SIRT3: variants seen among roughly 807,000 people sequenced by gnomAD.
SIRT3 encodes NAD-dependent protein deacetylase sirtuin-3, mitochondrial.
Under a neutral mutation model 33.5 loss-of-function variants are expected in SIRT3, and 26 were observed. The observed-to-expected ratio is 0.78, with a 90% confidence interval of 0.57 to 1.08. The LOEUF (loss-of-function observed/expected upper bound fraction) is 1.08, where lower values mean the gene tolerates loss of function less well. Among genes scored for constraint, SIRT3 ranks in the 50% least tolerant of loss-of-function variants. The probability of loss-of-function intolerance (pLI) is 0.00; values close to 1 mark genes in which losing one functional copy is unlikely to be tolerated. For missense variants in SIRT3, 585 were observed against 530.1 expected, an observed-to-expected ratio of 1.10 and a Z score of -1.02; for synonymous variants, 237 against 222.1, an observed-to-expected ratio of 1.07 and a Z score of -0.60.
intron 1 of SIRT3, among the ~76,000 whole-genome samples, chr11:235,028 C>T (rs192530700): frequency 1.3e-5 from 2 of 152,172 alleles, no homozygotes; most frequent in East Asian, 3.9e-4. Flanking sequence ...CAGGCGCCCG[C>T]CACCACGCCC....
At position 236,316 on chromosome 11, in the gene SIRT3, C is replaced by A. The variant is rs1413765501; in HGVS notation, c.13G>T (p.Gly5Cys). The part of the protein sequence containing the change: MAFW[G>C]WRAAAALRLW... The stretch of plus-strand genomic sequence containing the variant: ...CGGAGGGCTGCCGCGGCGCGCCAAC[C>A]CCAGAACGCCATGTTCCGCGCAGTC... The change falls in exon 1 of 7, where the codon GGT (glycine) becomes TGT (cysteine). Residue 5 changes from glycine to cysteine, a missense_variant. Coordinates refer to ENST00000382743, the MANE Select transcript of SIRT3 (RefSeq NM_012239.6). 1.3e-6 allele frequency: 2 copies of A among 1,511,516 alleles called. No homozygotes were observed. The highest frequency in any genetic ancestry group is 2.6e-5 in the East Asian group (1 of 39,198). 93.6% of individuals were successfully genotyped at this position (1,511,516 alleles called of 1,614,324 possible).
intron 4 of SIRT3, among the ~76,000 whole-genome samples, chr11:230,069 C>T (rs952985216): frequency 6.6e-6 from 1 of 151,484 alleles, no homozygotes; most frequent in Non-Finnish European, 1.5e-5. Flanking sequence ...ATCTGATTGC[C>T]GGGCGTGGTG....
chr11:227,996 T>C (rs1857404312), intron 4 of SIRT3, among the ~76,000 whole-genome samples: 1 of 152,178 alleles, frequency 6.6e-6, no homozygotes, highest in African/African-American at 2.4e-5. Context: ...CCTCCCATGA[T>C]CGTCAGGATA....
chr11:232,667 GA>G (rs1858232726), intron 3 of SIRT3, among the ~76,000 whole-genome samples: 1 of 151,994 alleles, frequency 6.6e-6, no homozygotes, highest in African/African-American at 2.4e-5. Flanking sequence ...AAAGAGAGAA[GA>G]AAAAAAGAGA....
At chr11:217,483 A>C (rs1855816859) in intron 6 of SIRT3, among the ~76,000 whole-genome samples, 1 of 152,246 alleles carries the variant, frequency 6.6e-6, no homozygotes, top group Non-Finnish European at 1.5e-5. Context: ...GAGCAGGAAA[A>C]GGATCCCTCA....
chr11:219,073 T>C (rs1590103367), intron 5 of SIRT3, 32 bp from the exon 6 acceptor site: 1 of 1,581,548 alleles, frequency 6.3e-7, no homozygotes, highest in Non-Finnish European at 8.6e-7. Flanking sequence ...AGGGGCACAG[T>C]GTCCACTTTA....
chr11:231,209 C>T (rs1857946573), intron 3 of SIRT3, among the ~76,000 whole-genome samples: 2 of 152,028 alleles, frequency 1.3e-5, no homozygotes, highest in South Asian at 4.2e-4. Flanking sequence ...AAGGCCAAGG[C>T]AGGAGGATCA....
Position 233,077 on chromosome 11 carries a change from G to C in SIRT3, c.612C>G (p.Tyr204Ter). The part of the protein sequence containing the change: ...TLAKELYPGN[Y>*]KPNVTHYFLR... ...GAAAGTAGTGAGTGACGTTGGGCTTGTAGTTTCCAGGGTACAGCTCCTTGG... is the reference window on the plus strand; with the variant it reads ...GAAAGTAGTGAGTGACGTTGGGCTTCTAGTTTCCAGGGTACAGCTCCTTGG... Residue 204 changes from tyrosine (Y) to a stop codon, truncating the protein, a stop_gained, in exon 3 of 7, where the codon TAC (tyrosine) becomes TAG (stop). Transcript: ENST00000382743. LOFTEE classifies it high-confidence loss of function. 2 of 1,614,206 alleles carry C rather than the reference G, an allele frequency of 1.2e-6. No homozygotes were observed. Among genetic ancestry groups the C allele is most frequent in the South Asian group, 1.1e-5 (1 of 91,088 alleles).
In SIRT3 at chr11:231,903, C is replaced by T. The variant is rs1044980429; in HGVS notation, c.706+1080G>A. 2.0e-5 allele frequency among the ~76,000 whole-genome samples: 3 copies of T among 151,106 alleles called. No individual in the cohort carries two copies. The East Asian group carries it at 5.9e-4, about 30-fold the overall frequency. ...CCCGGAGAGCTGACTGTCCCAGCAC[C>T]TGTCTGCATCACTGCACGTAAGGAA... On this transcript the variant is annotated intron_variant, in intron 3 of 6. Transcript: ENST00000382743.
chr11:220,346 AAAAAG>A (rs1171777059), intron 5 of SIRT3, among the ~76,000 whole-genome samples: 5 of 150,146 alleles, frequency 3.3e-5, no homozygotes, highest in East Asian at 1.9e-4. Flanking sequence ...AAAAAAAAAA[AAAAAG>A]AAAGAAGTTT....
intron 4 of SIRT3, among the ~76,000 whole-genome samples, chr11:229,093 C>T (rs475149): frequency 3.3e-5 from 5 of 152,220 alleles, no homozygotes; most frequent in Non-Finnish European, 5.9e-5. Context: ...AGATGAAACC[C>T]TTGCCCACTG....
chr11:216,978 A>C (rs1590086719), intron 6 of SIRT3, among the ~76,000 whole-genome samples: 1 of 152,284 alleles, frequency 6.6e-6, no homozygotes. Flanking sequence ...TGTGCTTAAA[A>C]GCATTCACTA....
At position 216,646 on chromosome 11, in the gene SIRT3, G is replaced by T; in HGVS notation, c.*52C>A. 6.2e-7 allele frequency: 1 copy of T among 1,605,228 alleles called. No individual in the cohort carries two copies. The highest frequency in any genetic ancestry group is 2.2e-5 in the East Asian group (1 of 44,830). ...CAGGCATGAGGTCTTGTCAGAATTGGGATGTGGATGTCTCCTATGTTACCA... is the reference window on the plus strand; with the variant it reads ...CAGGCATGAGGTCTTGTCAGAATTGTGATGTGGATGTCTCCTATGTTACCA... On this transcript the variant is annotated 3_prime_UTR_variant, in exon 7 of 7. Transcript: ENST00000382743.
intron 6 of SIRT3, among the ~76,000 whole-genome samples, chr11:216,963 G>C (rs886271028): frequency 2.0e-5 from 3 of 152,222 alleles, no homozygotes. Flanking sequence ...ATGTACTGAT[G>C]CTCATGTGCT....
chr11:236,454 C>A (rs1295156951), upstream of SIRT3: 1 of 597,096 alleles, frequency 1.7e-6, no homozygotes, highest in Non-Finnish European at 2.1e-6. Context: ...GCCCCCGGCG[C>A]CCCGGTCCCG....
intron 5 of SIRT3, among the ~76,000 whole-genome samples, chr11:220,759 G>A (rs1275482447): frequency 1.0e-3 from 155 of 152,176 alleles, no homozygotes; most frequent in Non-Finnish European, 1.5e-4. Flanking sequence ...GATACACAGG[G>A]ATATTCACCA....
chr11:217,312 T>C (rs1037917528), intron 6 of SIRT3, among the ~76,000 whole-genome samples: 3 of 152,226 alleles, frequency 2.0e-5, no homozygotes, highest in African/African-American at 7.2e-5. Flanking sequence ...TAGCCAGGCA[T>C]GGTGGCACAT....
chr11:228,703 G>T (rs921293729), intron 4 of SIRT3, among the ~76,000 whole-genome samples: 10 of 151,952 alleles, frequency 6.6e-5, no homozygotes, highest in Admixed American at 6.6e-5. Context: ...TCTCAGATAT[G>T]ATTCCAAAAG....
intron 3 of SIRT3, among the ~76,000 whole-genome samples, chr11:231,683 C>T (rs1349582542): frequency 2.0e-5 from 3 of 152,152 alleles, no homozygotes; most frequent in Non-Finnish European, 4.4e-5. Flanking sequence ...AATCTCACAG[C>T]CAGGAGCTCC....
Sources: gnomAD v4.1 joint callset for allele counts (sites outside exome capture counted in the v4.1 genomes callset) on GRCh38, gnomAD v4.1.1 for gene constraint, MANE v1.5 for transcripts, NCBI Gene and HGNC (gene_info 2026-07-23, HGNC 2026-07-21) for gene names.